The following CERS4 variants were observed in gnomAD, a reference collection of about 807,000 sequenced individuals.
CERS4 encodes ceramide synthase 4.
A neutral mutation model predicts 51.8 loss-of-function variants in CERS4; 65 were observed. The observed-to-expected ratio is 1.26, with a 90% CI of 1.03 to 1.54. The LOEUF is 1.54. Ranked by LOEUF, CERS4 falls within the 40% of genes most tolerant of loss-of-function variation. The probability of loss-of-function intolerance (pLI) is 0.00; values close to 1 mark genes in which losing one functional copy is unlikely to be tolerated. For synonymous variants in CERS4, 228 were observed against 208.4 expected (o/e 1.09, Z -0.81); for missense variants, 563 against 500.4 (o/e 1.13, Z -1.19).
intron 2 of CERS4, among the ~76,000 whole-genome samples, chr19:8,215,511 G>A (rs1007559394): frequency 1.3e-5 from 2 of 151,690 alleles, no homozygotes; most frequent in African/African-American, 4.8e-5. Context: ...AGCAGCGGGT[G>A]TGTCTGGGGG....
intron 9 of CERS4, among the ~76,000 whole-genome samples, chr19:8,257,642 C>T (rs957166387): frequency 7.9e-5 from 12 of 152,118 alleles, no homozygotes; most frequent in African/African-American, 2.9e-4. Context: ...GTTGGCCAGG[C>T]TGGTCTCGAA....
At chr19:8,216,758 G>A (rs1967316518) in intron 2 of CERS4, among the ~76,000 whole-genome samples, 1 of 152,112 alleles carries the variant, frequency 6.6e-6, no homozygotes, top group African/African-American at 2.4e-5. Flanking sequence ...CCCGATAAAT[G>A]TGAAGTGATG....
At chr19:8,216,552 G>C (rs1365802018) in intron 2 of CERS4, among the ~76,000 whole-genome samples, 1 of 151,998 alleles carries the variant, frequency 6.6e-6, no homozygotes, top group East Asian at 1.9e-4. Flanking sequence ...AAGTTGGGCA[G>C]ATCACTTGAG....
chr19:8,250,751 G>C, intron 2 of CERS4: 1 of 1,000,782 alleles, frequency 1.0e-6, no homozygotes, highest in Non-Finnish European at 1.2e-6. Context: ...AACTGCGCCC[G>C]GCCTACTACT....
chr19:8,250,229 C>A (rs1456012868), intron 2 of CERS4, among the ~76,000 whole-genome samples: 4 of 152,144 alleles, frequency 2.6e-5, no homozygotes, highest in South Asian at 4.2e-4. Flanking sequence ...CCCACCTCAG[C>A]CTCCCACAGT....
intron 2 of CERS4, among the ~76,000 whole-genome samples, chr19:8,249,234 C>G (rs917607160): frequency 1.3e-5 from 2 of 148,632 alleles, no homozygotes; most frequent in South Asian, 2.1e-4. Context: ...GGTGGGTGGA[C>G]AGATGTTTGG....
intron 10 of CERS4, among the ~76,000 whole-genome samples, chr19:8,260,141 G>T (rs1969602772): frequency 6.6e-6 from 1 of 152,058 alleles, no homozygotes; most frequent in Non-Finnish European, 1.5e-5. Flanking sequence ...GAGTGAGGAA[G>T]GCGAGGTCGC....
intron 4 of CERS4, 148 bp from the exon 5 acceptor site, chr19:8,255,459 C>T (rs1351084422): frequency 4.1e-6 from 3 of 724,276 alleles, no homozygotes; most frequent in Non-Finnish European, 4.7e-6. Flanking sequence ...GCTGGGACCC[C>T]CAACACTGCC....
chr19:8,226,033 T>C (rs1387990340), intron 2 of CERS4, among the ~76,000 whole-genome samples: 5 of 151,816 alleles, frequency 3.3e-5, no homozygotes, highest in Admixed American at 3.3e-4. Context: ...CCGTCTCTAC[T>C]AAAAAATGCA....
At position 8,253,471 on chromosome 19, in the gene CERS4, TG is replaced by T. The variant is rs371501211; in HGVS notation, c.174-1024del. On this transcript the variant is annotated intron_variant, in intron 3 of 11. Coordinates refer to ENST00000251363, the MANE Select transcript of CERS4 (RefSeq NM_024552.3). ...TGCCTTTTTTTTTTTTTTTTTTTTT[TG>T]GGGAGACAGAGTCTTGTTGCTCTGT... is the stretch of plus-strand genomic sequence containing the variant. Among the ~76,000 whole-genome samples the T allele has an allele frequency of 9.4e-3, 1,293 of 136,988 alleles. 165 individuals carry two copies. Among genetic ancestry groups the T allele is most frequent in the Middle Eastern group, 0.029 (7 of 238 alleles). The allele number at this position is 136,988 out of a possible 152,430, so 89.9% of individuals were successfully genotyped here.
intron 2 of CERS4, among the ~76,000 whole-genome samples, chr19:8,249,922 G>T (rs1568528414): frequency 6.6e-6 from 1 of 152,028 alleles, no homozygotes; most frequent in Non-Finnish European, 1.5e-5. Context: ...ATCTTTGGGG[G>T]CTGCTTCAGA....
intron 2 of CERS4, among the ~76,000 whole-genome samples, chr19:8,239,828 C>T (rs1036723053): frequency 4.6e-5 from 7 of 152,218 alleles, no homozygotes; most frequent in African/African-American, 1.4e-4. Context: ...CTATTCTACT[C>T]ATTCATCCAT....
At chr19:8,250,139 T>C (rs1281721748) in intron 2 of CERS4, among the ~76,000 whole-genome samples, 2 of 151,790 alleles carry the variant, frequency 1.3e-5, no homozygotes, top group East Asian at 3.9e-4. Flanking sequence ...CACGCCCGGC[T>C]AATTTTTGTA....
intron 2 of CERS4, chr19:8,250,703 C>T (rs62124260): frequency 0.051 from 22,747 of 449,438 alleles, 690 homozygotes; most frequent in Admixed American, 0.077. Context: ...GATCCACCCA[C>T]CTTGGCCTTC....
intron 7 of CERS4, 96 bp downstream of exon 7, chr19:8,256,382 T>A (rs1477149449): frequency 7.3e-7 from 1 of 1,374,012 alleles, no homozygotes; most frequent in Non-Finnish European, 1.0e-6. Flanking sequence ...GACACTACAC[T>A]GTCATTCCCC....
chr19:8,256,544 T>C (rs1969392829), intron 7 of CERS4, 74 bp from the exon 8 acceptor site: 2 of 1,371,236 alleles, frequency 1.5e-6, no homozygotes, highest in African/African-American at 1.5e-5. Context: ...GCAAACGGAG[T>C]GGGCCCGGAG....
chr19:8,221,149 A>T (rs1967523417), intron 2 of CERS4, among the ~76,000 whole-genome samples: 1 of 149,914 alleles, frequency 6.7e-6, no homozygotes, highest in East Asian at 2.0e-4. Flanking sequence ...TTTTTTTTTA[A>T]ACAGAGACAG....
In CERS4 at chr19:8,256,750, C is replaced by T. The variant is rs115459973; in HGVS notation, c.612+40C>T. The T allele has an allele frequency of 9.0e-4, 1,445 of 1,597,892 alleles. 13 individuals carry two copies. The African/African-American group carries it at 0.018, about 19-fold the overall frequency. ...GAGTCTGGAAGACCCAGTCTCTGGCCGGGATGCTGGGGTGCTGGGGGGTAG... is the reference window on the plus strand; with the variant it reads ...GAGTCTGGAAGACCCAGTCTCTGGCTGGGATGCTGGGGTGCTGGGGGGTAG... On this transcript the variant is annotated intron_variant, in intron 8 of 11. Transcript: ENST00000251363.
rs779357126 is a variant in CERS4 at position 8,258,003 on chromosome 19, T to C, written c.848+18T>C. 3.8e-6 allele frequency: 6 copies of C among 1,582,976 alleles called. No individual in the cohort carries two copies. The East Asian group carries it at 6.7e-5, about 18-fold the overall frequency. ...CCCACCCAGTGAGTCAGCCCTCCCATGGGGGTCAGGGAGGTGGGAGGGCGT... is the reference window on the plus strand; with the variant it reads ...CCCACCCAGTGAGTCAGCCCTCCCACGGGGGTCAGGGAGGTGGGAGGGCGT... On this transcript the variant is annotated intron_variant, in intron 10 of 11. Transcript: ENST00000251363.
Sources: gnomAD v4.1 joint callset for allele counts (sites outside exome capture counted in the v4.1 genomes callset) on GRCh38, gnomAD v4.1.1 for gene constraint, MANE v1.5 for transcripts, NCBI Gene and HGNC (gene_info 2026-07-23, HGNC 2026-07-21) for gene names.